DLG2: variants seen among roughly 807,000 people sequenced by gnomAD.
DLG2 encodes the protein disks large homolog 2.
In DLG2, 45 loss-of-function variants were observed where a neutral mutation model predicts 132.5. The observed-to-expected ratio is 0.34, with a 90% CI of 0.27 to 0.44. The LOEUF is 0.44. DLG2 is among the 20% of genes least tolerant of loss of function. DLG2 has a pLI of 1.00. For synonymous variants in DLG2, 424 were observed against 419.6 expected (o/e 1.01, Z -0.13); for missense variants, 1,045 against 1,196.9 (o/e 0.87, Z 1.87).
intron 4 of DLG2, among the ~76,000 whole-genome samples, chr11:85,238,205 T>TTTTTTTTA (rs952914780): frequency 2.4e-5 from 3 of 126,002 alleles, no homozygotes; most frequent in African/African-American, 8.8e-5. Context: ...TTTATTTTTA[T>TTTTTTTTA]TTTATTTATT....
intron 8 of DLG2, among the ~76,000 whole-genome samples, chr11:84,179,807 C>G (rs115903208): frequency 1.4e-3 from 217 of 152,166 alleles, no homozygotes; most frequent in African/African-American, 5.0e-3. Context: ...CTCTAGCCAT[C>G]CTGTCTCACC....
At chr11:83,950,742 G>T (rs1299848207) in intron 14 of DLG2, among the ~76,000 whole-genome samples, 1 of 152,158 alleles carries the variant, frequency 6.6e-6, no homozygotes, top group Admixed American at 6.5e-5. Context: ...GGAAGTCTTA[G>T]ATACTAGTGG....
At chr11:85,117,109 C>T (rs1188670825) in intron 5 of DLG2, among the ~76,000 whole-genome samples, 1 of 151,976 alleles carries the variant, frequency 6.6e-6, no homozygotes, top group African/African-American at 2.4e-5. Flanking sequence ...TTCGTCAAGG[C>T]AAAAGATTCA....
intron 3 of DLG2, among the ~76,000 whole-genome samples, chr11:85,492,216 A>G (rs890359398): frequency 6.6e-6 from 1 of 152,212 alleles, no homozygotes; most frequent in Non-Finnish European, 1.5e-5. Context: ...TATGTACACA[A>G]TAAATGTGTA....
At chr11:84,014,098 T>G (rs2095043948) in intron 11 of DLG2, among the ~76,000 whole-genome samples, 1 of 152,096 alleles carries the variant, frequency 6.6e-6, no homozygotes, top group East Asian at 1.9e-4. Context: ...TTCATCTGAG[T>G]TTTTTACCTA....
chr11:84,637,628 T>C (rs1276520880), intron 6 of DLG2, among the ~76,000 whole-genome samples: 9 of 152,218 alleles, frequency 5.9e-5, no homozygotes, highest in African/African-American at 2.2e-4. Context: ...CATTTGTTCT[T>C]GTCTGGGGAA....
chr11:83,791,518 A>AT, intron 17 of DLG2: 1 of 617,238 alleles, frequency 1.6e-6, no homozygotes, highest in Non-Finnish European at 3.0e-6. Context: ...AAATCAGTTT[A>AT]TTTTTTACTT....
At chr11:83,860,902 T>C (rs1565383918) in intron 16 of DLG2, among the ~76,000 whole-genome samples, 1 of 152,142 alleles carries the variant, frequency 6.6e-6, no homozygotes, top group African/African-American at 2.4e-5. Flanking sequence ...TTTTAAAAAC[T>C]AGAGTTTCCC....
intron 9 of DLG2, among the ~76,000 whole-genome samples, chr11:84,106,868 T>TGAAAGA (rs2092967423): frequency 7.3e-6 from 1 of 137,538 alleles, no homozygotes; most frequent in African/African-American, 2.8e-5. Flanking sequence ...TGTGTATGTG[T>TGAAAGA]GAGAGAGAGA....
chr11:84,421,180 G>A (rs2098949615), intron 7 of DLG2, among the ~76,000 whole-genome samples: 1 of 152,144 alleles, frequency 6.6e-6, no homozygotes, highest in Non-Finnish European at 1.5e-5. Flanking sequence ...GCTCTCACCA[G>A]ATATGGAATC....
rs184785750 is a variant in DLG2 at position 83,956,828 on chromosome 11, C to T, written c.1340+6057G>A. ...GCTTGTTCCTAATGGGTACCATAAA[C>T]CTTGAGCCATTATTAAGGGACAGTT... On this transcript the variant is annotated intron_variant, in intron 14 of 27. Transcript: ENST00000376104. 5.9e-5 allele frequency among the ~76,000 whole-genome samples: 9 copies of T among 152,254 alleles called. No individual in the cohort carries two copies. In the East Asian group the frequency reaches 1.5e-3, roughly 26 times the overall value.
At chr11:84,486,017 C>T (rs147561019) in intron 7 of DLG2, among the ~76,000 whole-genome samples, 1 of 152,088 alleles carries the variant, frequency 6.6e-6, no homozygotes, top group Admixed American at 6.6e-5. Context: ...GGGAAGGCAA[C>T]CTGACATTTC....
At chr11:83,488,018 T>C (rs1384067258) in intron 21 of DLG2, among the ~76,000 whole-genome samples, 5 of 151,950 alleles carry the variant, frequency 3.3e-5, no homozygotes, top group Non-Finnish European at 1.5e-5. Flanking sequence ...CATAACTCTA[T>C]GAATATACTA....
At chr11:85,540,227 C>T (rs894994922) in intron 3 of DLG2, among the ~76,000 whole-genome samples, 2 of 152,196 alleles carry the variant, frequency 1.3e-5, no homozygotes, top group African/African-American at 4.8e-5. Context: ...TTTCCGTACC[C>T]AAATGTTGCA....
chr11:84,778,163 T>A (rs2071038692), intron 6 of DLG2, among the ~76,000 whole-genome samples: 1 of 152,184 alleles, frequency 6.6e-6, no homozygotes, highest in Non-Finnish European at 1.5e-5. Context: ...ATTTCATTCA[T>A]CTGCATATGG....
In DLG2 at chr11:83,786,095, T is replaced by C. The variant is rs545198430; in HGVS notation, c.1825+595A>G. On this transcript the variant is annotated intron_variant, in intron 18 of 27. Coordinates refer to ENST00000376104, the MANE Select transcript of DLG2 (RefSeq NM_001142699.3). ...TTAAACACGGAAACAGATGTTTAAA[T>C]AAACCAAAAAGCAGGGCATGGCTAA... Among the ~76,000 whole-genome samples the C allele has an allele frequency of 3.3e-5, 5 of 152,282 alleles. No homozygotes were observed. The South Asian group carries it at 8.3e-4, about 25-fold the overall frequency.
intron 6 of DLG2, among the ~76,000 whole-genome samples, chr11:84,594,314 G>A (rs865933818): frequency 6.6e-6 from 1 of 152,098 alleles, no homozygotes; most frequent in African/African-American, 2.4e-5. Flanking sequence ...GAAGACAAGG[G>A]AACATGGACT....
At chr11:85,577,260 G>A (rs536228582) in intron 3 of DLG2, among the ~76,000 whole-genome samples, 2 of 152,242 alleles carry the variant, frequency 1.3e-5, no homozygotes, top group East Asian at 3.9e-4. Context: ...GGCTACTGCA[G>A]TAGACCAGAT....
rs2076133986 is a variant in DLG2 at position 84,807,498 on chromosome 11, C to T, written c.358-272767G>A. ...AAAAGAATAAAACAAAAGATTTAAG[C>T]CTTAACATATTAATAATTACCTTAA... On this transcript the variant is annotated intron_variant, in intron 6 of 27. Transcript: ENST00000376104. Among the ~76,000 whole-genome samples, 3 of 151,966 alleles carry T rather than the reference C, an allele frequency of 2.0e-5. No individual in the cohort carries two copies. In the South Asian group the frequency reaches 6.2e-4, roughly 32 times the overall value.
Sources: gnomAD v4.1 joint callset for allele counts (sites outside exome capture counted in the v4.1 genomes callset) on GRCh38, gnomAD v4.1.1 for gene constraint, MANE v1.5 for transcripts, NCBI Gene and HGNC (gene_info 2026-07-23, HGNC 2026-07-21) for gene names.